DOCK8: variants seen among roughly 807,000 people sequenced by gnomAD.
DOCK8 encodes the protein dedicator of cytokinesis 8.
A neutral mutation model predicts 245.6 loss-of-function variants in DOCK8; 141 were observed. The ratio of observed to expected loss-of-function variants is 0.57; its 90% confidence interval spans 0.50 to 0.66. The LOEUF (loss-of-function observed/expected upper bound fraction) is 0.66. Ranked by LOEUF, DOCK8 falls within the 30% of genes least tolerant of loss-of-function variation. DOCK8 has a pLI of 0.00. For missense variants in DOCK8, 2,965 were observed against 2,603.4 expected (o/e 1.14, Z -3.02); for synonymous variants, 1,168 against 970.2 (o/e 1.20, Z -3.79).
upstream of DOCK8, among the ~76,000 whole-genome samples, chr9:212,335 G>A: frequency 6.6e-6 from 1 of 152,296 alleles, no homozygotes; most frequent in Admixed American, 6.5e-5. Flanking sequence ...GTCTGAGATA[G>A]AAGTCAAGGG....
chr9:283,192 A>G (rs1196099932), intron 2 of DOCK8, among the ~76,000 whole-genome samples: 1 of 152,182 alleles, frequency 6.6e-6, no homozygotes, highest in East Asian at 1.9e-4. Flanking sequence ...CTGTGTAATC[A>G]TGGGAAAATT....
At chr9:377,414 G>A (rs545634837) in intron 20 of DOCK8, among the ~76,000 whole-genome samples, 1 of 152,018 alleles carries the variant, frequency 6.6e-6, no homozygotes, top group African/African-American at 2.4e-5. Flanking sequence ...ATTAAAATAG[G>A]GTTCTTAATA....
At chr9:402,492 C>T (rs1396485972) in intron 26 of DOCK8, among the ~76,000 whole-genome samples, 3 of 152,186 alleles carry the variant, frequency 2.0e-5, no homozygotes, top group Non-Finnish European at 4.4e-5. Flanking sequence ...ACGGATGTTA[C>T]TTAGCACCAT....
In DOCK8 at chr9:457,842, A is replaced by G. The variant is rs188881925; in HGVS notation, c.6069-5675A>G. 5.0e-4 allele frequency among the ~76,000 whole-genome samples: 76 copies of G among 152,336 alleles called. 2 individuals carry two copies. Among genetic ancestry groups the G allele is most frequent in the Non-Finnish European group, 1.2e-4 (8 of 68,038 alleles). On this transcript the variant is annotated intron_variant, in intron 46 of 47. Transcript: ENST00000432829. ...GTGCAGGGACTCTTCTGAACATTTG[A>G]TATGTTTCAACTAATTTAATCTTTA...
chr9:456,378 G>A (rs962288132), intron 46 of DOCK8: 3 of 152,214 alleles, frequency 2.0e-5, no homozygotes, highest in Non-Finnish European at 2.9e-5. Context: ...AAAATATTTG[G>A]GGCTTGAACA....
At chr9:327,778 C>T (rs1341104512) in intron 8 of DOCK8, among the ~76,000 whole-genome samples, 1 of 152,138 alleles carries the variant, frequency 6.6e-6, no homozygotes, top group African/African-American at 2.4e-5. Flanking sequence ...TCAGGAAATA[C>T]CGGTGGGTTA....
chr9:275,194 ATTGGCT>A (rs1350937344), intron 2 of DOCK8, among the ~76,000 whole-genome samples: 477 of 150,692 alleles, frequency 3.2e-3, no homozygotes, highest in African/African-American at 0.012. Context: ...CTTTGTATAT[ATTGGCT>A]AGTATTGCTC....
At chr9:288,219 A>G (rs1012412551) in intron 3 of DOCK8, among the ~76,000 whole-genome samples, 5 of 152,176 alleles carry the variant, frequency 3.3e-5, no homozygotes, top group Admixed American at 6.5e-5. Context: ...AGTCTTCTGT[A>G]TAATTAAGGC....
chr9:220,494 A>G (rs1243523398), intron 1 of DOCK8, among the ~76,000 whole-genome samples: 1 of 152,172 alleles, frequency 6.6e-6, no homozygotes. Context: ...TAGTGATGGA[A>G]TGGGATGATG....
chr9:415,402 A>T (rs1038423608), intron 29 of DOCK8, among the ~76,000 whole-genome samples: 1 of 152,216 alleles, frequency 6.6e-6, no homozygotes, highest in African/African-American at 2.4e-5. Flanking sequence ...AAATCATGGC[A>T]TATGTCAATA....
chr9:323,093 CAAAAA>C (rs141746047), intron 7 of DOCK8, among the ~76,000 whole-genome samples: 1 of 100,324 alleles, frequency 1.0e-5, no homozygotes, highest in Non-Finnish European at 2.1e-5. Context: ...AACTCCATCT[CAAAAA>C]AAAAAAAAAA....
intron 1 of DOCK8, among the ~76,000 whole-genome samples, chr9:270,167 T>C (rs1414472272): frequency 6.6e-6 from 1 of 152,238 alleles, no homozygotes; most frequent in Non-Finnish European, 1.5e-5. Context: ...TTTTTCCTTA[T>C]ACTTTTAAAA....
upstream of DOCK8, among the ~76,000 whole-genome samples, chr9:212,393 G>A (rs1204452198): frequency 2.6e-5 from 4 of 152,106 alleles, no homozygotes; most frequent in East Asian, 1.9e-4. Context: ...ACAAAGATAC[G>A]GAGAAAGAGG....
At chr9:458,732 G>T (rs2057715973) in intron 46 of DOCK8, among the ~76,000 whole-genome samples, 1 of 152,112 alleles carries the variant, frequency 6.6e-6, no homozygotes, top group Admixed American at 6.5e-5. Context: ...GATCACTTGA[G>T]CCCAGGAGGC....
chr9:416,136 G>A (rs1772651649), intron 29 of DOCK8, among the ~76,000 whole-genome samples: 1 of 152,156 alleles, frequency 6.6e-6, no homozygotes, highest in Admixed American at 6.5e-5. Context: ...GAGTTCTGTT[G>A]GGGCCAGAGT....
At chr9:255,125 AAAAG>A (rs1229787777) in intron 1 of DOCK8, among the ~76,000 whole-genome samples, 2 of 152,192 alleles carry the variant, frequency 1.3e-5, no homozygotes, top group Non-Finnish European at 1.5e-5. Context: ...TAAAAAAAGA[AAAAG>A]AAAAAAAGAG....
chr9:400,186 TTCA>T (rs2054775614), intron 26 of DOCK8, among the ~76,000 whole-genome samples: 4 of 57,526 alleles, frequency 7.0e-5, no homozygotes, highest in African/African-American at 2.1e-4. Flanking sequence ...CACCACCTCC[TTCA>T]CCATCACCAT....
At chr9:412,465 G>A (rs537930065) in intron 28 of DOCK8, among the ~76,000 whole-genome samples, 11 of 149,370 alleles carry the variant, frequency 7.4e-5, no homozygotes, top group African/African-American at 2.4e-4. Context: ...TGGAAAAGAA[G>A]TAAAACTATC....
rs866930283 is a variant in DOCK8, at chr9:386,444, G to C, written c.2874+18G>C. The C allele has an allele frequency of 1.2e-6, 2 of 1,606,068 alleles. No individual in the cohort carries two copies. The highest frequency in any genetic ancestry group is 3.3e-4 in the Middle Eastern group (2 of 6,014). The stretch of plus-strand genomic sequence containing the variant: ...GCAAAAAGGTACTGAAGAGAGCAAT[G>C]TGAGGTTCATCCCAGGATAAGAACA... On this transcript the variant is annotated intron_variant, in intron 23 of 47. Coordinates refer to ENST00000432829, the MANE Select transcript of DOCK8 (RefSeq NM_203447.4).
Sources: allele counts gnomAD v4.1 joint callset (sites outside exome capture counted in the v4.1 genomes callset), GRCh38; gene constraint gnomAD v4.1.1; transcripts MANE v1.5; gene names NCBI Gene and HGNC (gene_info 2026-07-23, HGNC 2026-07-21).